The following FAM107B variants were observed in gnomAD, a reference collection of about 807,000 sequenced individuals.
FAM107B encodes protein FAM107B.
A neutral mutation model predicts 31.5 loss-of-function variants in FAM107B; 21 were observed. The ratio of observed to expected loss-of-function variants is 0.67; its 90% CI spans 0.47 to 0.96. The LOEUF is 0.96. Among genes scored for constraint, FAM107B ranks in the 40% least tolerant of loss-of-function variants. FAM107B has a pLI of 0.00. For missense variants in FAM107B, 452 were observed against 377.1 expected (o/e 1.20, Z -1.64); for synonymous variants, 157 against 141.5 (o/e 1.11, Z -0.78).
chr10:14,675,969 G>A (rs1854672636), intron 1 of FAM107B, among the ~76,000 whole-genome samples: 2 of 152,120 alleles, frequency 1.3e-5, no homozygotes, highest in African/African-American at 4.8e-5. Context: ...ACCAGCCTAG[G>A]CAACATAGTG....
At chr10:14,651,336 T>C (rs1050633140) in intron 2 of FAM107B, among the ~76,000 whole-genome samples, 1 of 152,250 alleles carries the variant, frequency 6.6e-6, no homozygotes, top group East Asian at 1.9e-4. Flanking sequence ...CTGGGCGCAG[T>C]GGCTCACGCC....
At chr10:14,572,150 C>G in intron 2 of FAM107B, 1 of 985,308 alleles carries the variant, frequency 1.0e-6, no homozygotes, top group Non-Finnish European at 1.2e-6. Context: ...CTGTATGCAA[C>G]TGAATGACCT....
intron 1 of FAM107B, among the ~76,000 whole-genome samples, chr10:14,697,061 A>G (rs1260960069): frequency 6.6e-6 from 1 of 152,112 alleles, no homozygotes; most frequent in East Asian, 1.9e-4. Flanking sequence ...AAAAATGGGG[A>G]GGCACAGGGA....
rs1174766750 is a variant in FAM107B, at chr10:14,521,139, C to A, written c.*51G>T. On this transcript the variant is annotated 3_prime_UTR_variant, in exon 5 of 5. Transcript: ENST00000181796. ...CTTTTGCCCTGAGATTGAGAAGGCA[C>A]CCACAGACAGCTCTGTGGGGTGACA... The A allele has an allele frequency of 8.4e-6, 12 of 1,436,972 alleles. No individual in the cohort carries two copies. The highest frequency in any genetic ancestry group is 1.8e-5 in the Admixed American group (1 of 54,548). The allele number at this position is 1,436,972 out of a possible 1,614,324, so 89.0% of individuals were successfully genotyped here.
At chr10:14,732,802 A>G (rs144649081) in intron 1 of FAM107B, among the ~76,000 whole-genome samples, 23 of 147,436 alleles carry the variant, frequency 1.6e-4, no homozygotes, top group African/African-American at 5.7e-4. Flanking sequence ...TATAGAATAC[A>G]TTATAATTAT....
chr10:14,560,041 C>T (rs1278641475), intron 2 of FAM107B, among the ~76,000 whole-genome samples: 3 of 152,148 alleles, frequency 2.0e-5, no homozygotes, highest in Non-Finnish European at 4.4e-5. Flanking sequence ...TCATTGCAAC[C>T]TGCGTGCCAG....
chr10:14,701,864 T>C (rs928323786), intron 1 of FAM107B, among the ~76,000 whole-genome samples: 2 of 152,208 alleles, frequency 1.3e-5, no homozygotes, highest in African/African-American at 2.4e-5. Flanking sequence ...GGAGCAGGGC[T>C]GGAGAGATTC....
At chr10:14,629,548 T>C (rs1219715229) in intron 2 of FAM107B, among the ~76,000 whole-genome samples, 1 of 140,708 alleles carries the variant, frequency 7.1e-6, no homozygotes, top group Non-Finnish European at 1.5e-5. Context: ...AGACTCGCTC[T>C]GTCGCCCAGG....
chr10:14,761,781 AG>A (rs1272761201), intron 1 of FAM107B, among the ~76,000 whole-genome samples: 1 of 150,850 alleles, frequency 6.6e-6, no homozygotes, highest in East Asian at 1.9e-4. Context: ...TATTTTTAGT[AG>A]AGGGGGGGGT....
At chr10:14,547,552 G>A (rs1187209100) in intron 2 of FAM107B, among the ~76,000 whole-genome samples, 1 of 151,052 alleles carries the variant, frequency 6.6e-6, no homozygotes, top group East Asian at 2.0e-4. Flanking sequence ...TAGCATATTT[G>A]GAATATTTCT....
intron 1 of FAM107B, chr10:14,723,026 T>C (rs1855948949): frequency 2.9e-6 from 1 of 340,758 alleles, no homozygotes; most frequent in Admixed American, 4.0e-5. Context: ...GGCCGTCTTT[T>C]ACATGTGTCT....
chr10:14,744,909 T>A (rs1832694204), intron 1 of FAM107B, among the ~76,000 whole-genome samples: 1 of 152,154 alleles, frequency 6.6e-6, no homozygotes, highest in Non-Finnish European at 1.5e-5. Flanking sequence ...TCTTTGTTTG[T>A]TTTTTGTTTT....
intron 1 of FAM107B, among the ~76,000 whole-genome samples, chr10:14,762,987 G>T (rs1833087459): frequency 6.6e-6 from 1 of 152,064 alleles, no homozygotes; most frequent in African/African-American, 2.4e-5. Flanking sequence ...CAGAGGCCAG[G>T]CTTGGTGGCT....
At chr10:14,723,429 C>A in intron 1 of FAM107B, 2 of 554,350 alleles carry the variant, frequency 3.6e-6, no homozygotes, top group Non-Finnish European at 7.0e-6. Context: ...CTTTTTTAAT[C>A]TCTTCAGGAT....
intron 1 of FAM107B, among the ~76,000 whole-genome samples, chr10:14,684,239 C>T (rs562106779): frequency 9.2e-5 from 14 of 152,172 alleles, no homozygotes; most frequent in Admixed American, 5.9e-4. Context: ...GATCACCTGA[C>T]GTCAGGAGTT....
At chr10:14,715,989 A>C (rs559962333) in intron 1 of FAM107B, among the ~76,000 whole-genome samples, 3 of 152,268 alleles carry the variant, frequency 2.0e-5, no homozygotes, top group East Asian at 3.9e-4. Context: ...TTATAAATCT[A>C]CATTTATATA....
In FAM107B at chr10:14,531,567, C is replaced by T. The variant is rs551318479; in HGVS notation, c.470-1052G>A. ...AAAAAAAAAAAAAAAAGAGGCTGGGCACAGTGGCTCATATATGTAACCCCA... is the reference window on the plus strand; with the variant it reads ...AAAAAAAAAAAAAAAAGAGGCTGGGTACAGTGGCTCATATATGTAACCCCA... On this transcript the variant is annotated intron_variant, in intron 2 of 4. Transcript: ENST00000181796. Among the ~76,000 whole-genome samples the T allele has an allele frequency of 1.6e-4, 24 of 150,042 alleles. 1 individual carries two copies. The South Asian group carries it at 5.1e-3, about 32-fold the overall frequency.
intron 2 of FAM107B, among the ~76,000 whole-genome samples, chr10:14,643,312 C>T (rs568728339): frequency 1.3e-5 from 2 of 151,990 alleles, no homozygotes; most frequent in South Asian, 2.1e-4. Context: ...AAAAGACAAG[C>T]ATCCCAGCTC....
chr10:14,660,252 C>G (rs1192801460), intron 2 of FAM107B, among the ~76,000 whole-genome samples: 1 of 152,144 alleles, frequency 6.6e-6, no homozygotes, highest in African/African-American at 2.4e-5. Context: ...GAATGGTACA[C>G]TTATTGGAAA....
Sources: allele counts gnomAD v4.1 joint callset (sites outside exome capture counted in the v4.1 genomes callset), GRCh38; gene constraint gnomAD v4.1.1; transcripts MANE v1.5; gene names NCBI Gene and HGNC (gene_info 2026-07-23, HGNC 2026-07-21).